Variants in SLX4IP observed in about 807,000 individuals in gnomAD.
The protein encoded by SLX4IP is SLX4 interacting protein, also known as protein SLX4IP.
In SLX4IP, 34 loss-of-function variants were observed where a neutral mutation model predicts 32.9. The ratio of observed to expected loss-of-function variants is 1.03; its 90% CI spans 0.79 to 1.38. The LOEUF (loss-of-function observed/expected upper bound fraction) is 1.38, where lower values mean the gene tolerates loss of function less well. SLX4IP is among the 40% of genes most tolerant of loss of function. SLX4IP has a pLI of 0.00. For missense variants in SLX4IP, 444 were observed against 479.0 expected (o/e 0.93, Z 0.68); for synonymous variants, 172 against 171.7 (o/e 1.00, Z -0.01).
At chr20:10,613,734 A>ATATT (rs1293146551) in intron 6 of SLX4IP, 1 of 1,613,060 alleles carries the variant, frequency 6.2e-7, no homozygotes, top group African/African-American at 1.3e-5. Flanking sequence ...TTGCTGAATG[A>ATATT]TATTCCTTAT....
At chr20:10,601,932 G>C in intron 6 of SLX4IP, 113 bp downstream of exon 6, 1 of 873,974 alleles carries the variant, frequency 1.1e-6, no homozygotes, top group Non-Finnish European at 1.8e-6. Flanking sequence ...AGCACCCAAC[G>C]CATGTTTTAA....
At chr20:10,586,447 A>G (rs569238001) in intron 4 of SLX4IP, among the ~76,000 whole-genome samples, 10 of 152,318 alleles carry the variant, frequency 6.6e-5, no homozygotes, top group African/African-American at 1.9e-4. Flanking sequence ...CTAGTTGGTT[A>G]TCTGCGATTG....
intron 4 of SLX4IP, among the ~76,000 whole-genome samples, chr20:10,594,213 G>C (rs2066744283): frequency 6.6e-6 from 1 of 152,212 alleles, no homozygotes; most frequent in Non-Finnish European, 1.5e-5. Context: ...AAATGTTTCA[G>C]ACTGTGTGAG....
intron 5 of SLX4IP, 80 bp from the exon 6 acceptor site, chr20:10,601,651 A>G (rs565790132): frequency 1.6e-5 from 19 of 1,224,292 alleles, no homozygotes; most frequent in Middle Eastern, 2.2e-4. Flanking sequence ...GTAACTTAAA[A>G]TGAACAAAAA....
intron 6 of SLX4IP, chr20:10,613,849 C>T (rs1312570749): frequency 1.3e-5 from 21 of 1,603,138 alleles, no homozygotes; most frequent in Middle Eastern, 3.4e-4. Context: ...AGCTCTTCTT[C>T]CAAACCTTTG....
intron 6 of SLX4IP, chr20:10,614,350 T>C (rs1031792043): frequency 3.5e-6 from 2 of 568,864 alleles, no homozygotes; most frequent in Non-Finnish European, 6.2e-6. Flanking sequence ...TTTATTGCCT[T>C]CACATGACGT....
At chr20:10,591,572 CTG>C (rs1468684315) in intron 4 of SLX4IP, among the ~76,000 whole-genome samples, 3 of 152,170 alleles carry the variant, frequency 2.0e-5, no homozygotes, top group Admixed American at 1.3e-4. Flanking sequence ...TTAAACATCT[CTG>C]TTTCTTTTGT....
chr20:10,592,416 A>G (rs1043068842), intron 4 of SLX4IP, among the ~76,000 whole-genome samples: 2 of 151,894 alleles, frequency 1.3e-5, no homozygotes, highest in Non-Finnish European at 2.9e-5. Flanking sequence ...GGCCCCATCA[A>G]GGCTTTTTCA....
chr20:10,609,894 C>T (rs911934225), intron 6 of SLX4IP, among the ~76,000 whole-genome samples: 1 of 151,860 alleles, frequency 6.6e-6, no homozygotes, highest in Admixed American at 6.6e-5. Context: ...TACTTTTAAA[C>T]TGGAGTTACT....
intron 4 of SLX4IP, among the ~76,000 whole-genome samples, chr20:10,567,509 G>C (rs1308683526): frequency 2.0e-5 from 3 of 152,108 alleles, no homozygotes; most frequent in African/African-American, 7.2e-5. Flanking sequence ...CAGACCTGCT[G>C]GTGCCTGGTG....
chr20:10,608,531 G>A (rs1055157575), intron 6 of SLX4IP, among the ~76,000 whole-genome samples: 44 of 151,746 alleles, frequency 2.9e-4, no homozygotes, highest in African/African-American at 6.8e-4. Context: ...AAAGGTAGCC[G>A]GATGTGGTGG....
intron 2 of SLX4IP, among the ~76,000 whole-genome samples, chr20:10,476,798 A>G (rs1300620928): frequency 6.6e-6 from 1 of 152,146 alleles, no homozygotes; most frequent in Non-Finnish European, 1.5e-5. Flanking sequence ...CAATGGAAAA[A>G]TGTAAAACTG....
chr20:10,557,881 C>T (rs1289204813), intron 3 of SLX4IP, among the ~76,000 whole-genome samples: 1 of 152,152 alleles, frequency 6.6e-6, no homozygotes, highest in Non-Finnish European at 1.5e-5. Flanking sequence ...ATAGTACCTA[C>T]TTGAGGGCAG....
intron 2 of SLX4IP, among the ~76,000 whole-genome samples, chr20:10,503,252 T>C (rs554247329): frequency 7.8e-4 from 119 of 152,314 alleles, no homozygotes; most frequent in African/African-American, 2.8e-3. Flanking sequence ...AGGCCTGCTG[T>C]CCGCCAGAGG....
At chr20:10,555,444 G>A (rs1210842116) in intron 2 of SLX4IP, among the ~76,000 whole-genome samples, 2 of 152,138 alleles carry the variant, frequency 1.3e-5, no homozygotes, top group Non-Finnish European at 2.9e-5. Context: ...CTAGCTACAT[G>A]TAGCTACTTA....
intron 2 of SLX4IP, among the ~76,000 whole-genome samples, chr20:10,555,012 C>A (rs548637761): frequency 6.6e-6 from 1 of 152,168 alleles, no homozygotes; most frequent in South Asian, 2.1e-4. Flanking sequence ...CCTAAGAAAT[C>A]TTTTCCTATT....
At chr20:10,539,361 A>T (rs977368741) in intron 2 of SLX4IP, among the ~76,000 whole-genome samples, 2 of 152,180 alleles carry the variant, frequency 1.3e-5, no homozygotes, top group South Asian at 4.1e-4. Context: ...TTTTAAAGGG[A>T]TTAGAAGATT....
At chr20:10,567,913 G>A (rs943617340) in intron 4 of SLX4IP, among the ~76,000 whole-genome samples, 3 of 152,222 alleles carry the variant, frequency 2.0e-5, no homozygotes, top group Admixed American at 2.0e-4. Context: ...ATTGGGCAGT[G>A]CCACTGATTA....
rs151142807 is a variant in SLX4IP at position 10,517,517 on chromosome 20, G to GT, written c.28-38712dup. Reference sequence around the variant, plus strand: ...TTAGGGAGACGGACATATGTTATGAGTTAGAAGGTCAGGCTCTGGAGACAA... The same window carrying GT: ...TTAGGGAGACGGACATATGTTATGAGTTTAGAAGGTCAGGCTCTGGAGACAA... On this transcript the variant is annotated intron_variant, in intron 2 of 7. Coordinates refer to ENST00000334534, the MANE Select transcript of SLX4IP (RefSeq NM_001009608.3). Among the ~76,000 whole-genome samples, 214 of 152,346 alleles carry GT rather than the reference G, an allele frequency of 1.4e-3. 1 individual carries two copies. Among genetic ancestry groups the GT allele is most frequent in the African/African-American group, 4.4e-3 (183 of 41,582 alleles).
Sources: allele counts gnomAD v4.1 joint callset (sites outside exome capture counted in the v4.1 genomes callset), GRCh38; gene constraint gnomAD v4.1.1; transcripts MANE v1.5; gene names NCBI Gene and HGNC (gene_info 2026-07-23, HGNC 2026-07-21).